Variants in CTNNA3 observed in about 807,000 individuals in gnomAD.
The protein encoded by CTNNA3 is catenin alpha 3.
Under a neutral mutation model 95.7 loss-of-function variants are expected in CTNNA3, and 76 were observed. The ratio of observed to expected loss-of-function variants is 0.79; its 90% CI spans 0.66 to 0.96. The LOEUF is 0.96. Ranked by LOEUF, CTNNA3 falls within the 40% of genes least tolerant of loss-of-function variation. CTNNA3 has a pLI of 0.00. For missense variants in CTNNA3, 1,191 were observed against 1,089.8 expected (o/e 1.09, Z -1.31); for synonymous variants, 431 against 374.4 (o/e 1.15, Z -1.74).
chr10:66,310,289 T>A (rs952984964), intron 12 of CTNNA3, among the ~76,000 whole-genome samples: 2 of 152,180 alleles, frequency 1.3e-5, no homozygotes, highest in Non-Finnish European at 2.9e-5. Flanking sequence ...GATTTTGACA[T>A]AGAGATATTC....
chr10:66,288,717 A>G (rs1239039620), intron 12 of CTNNA3, among the ~76,000 whole-genome samples: 1 of 152,200 alleles, frequency 6.6e-6, no homozygotes, highest in East Asian at 1.9e-4. Context: ...TTTGCAAATC[A>G]ATTATTTGTG....
chr10:67,716,513 T>C (rs1017990422), intron 1 of CTNNA3, among the ~76,000 whole-genome samples: 4 of 152,136 alleles, frequency 2.6e-5, no homozygotes, highest in Admixed American at 6.5e-5. Context: ...GATGTTCCCC[T>C]CCCTGTGTCC....
chr10:67,613,886 G>A (rs1037817673), intron 2 of CTNNA3, among the ~76,000 whole-genome samples: 5 of 152,080 alleles, frequency 3.3e-5, no homozygotes, highest in African/African-American at 7.2e-5. Flanking sequence ...TTTTGTGCCC[G>A]GAGTTGGTTC....
At chr10:67,311,185 T>C (rs1459412395) in intron 5 of CTNNA3, among the ~76,000 whole-genome samples, 1 of 152,148 alleles carries the variant, frequency 6.6e-6, no homozygotes, top group Non-Finnish European at 1.5e-5. Flanking sequence ...GAACCACTTG[T>C]GGCCAAAGTC....
At chr10:66,340,851 T>G (rs565130991) in intron 12 of CTNNA3, among the ~76,000 whole-genome samples, 1 of 151,884 alleles carries the variant, frequency 6.6e-6, no homozygotes, top group Non-Finnish European at 1.5e-5. Context: ...TTATTTTTAT[T>G]TTAGGTATAA....
chr10:67,249,814 C>T lies in CTNNA3; in HGVS notation c.580-29944G>A, dbSNP rs146114028. On this transcript the variant is annotated intron_variant, in intron 5 of 17. Coordinates refer to ENST00000433211, the MANE Select transcript of CTNNA3 (RefSeq NM_013266.4). ...ACACACATACCCACACTCATTCATA[C>T]TGTGACAATTTAGATTCACCAGTTT... Among the ~76,000 whole-genome samples, 3 of 152,286 alleles carry T rather than the reference C, an allele frequency of 2.0e-5. No homozygotes were observed. In the East Asian group the frequency reaches 5.8e-4, roughly 29 times the overall value.
intron 7 of CTNNA3, among the ~76,000 whole-genome samples, chr10:66,846,984 A>C (rs1434201356): frequency 2.6e-5 from 4 of 152,192 alleles, no homozygotes; most frequent in African/African-American, 9.6e-5. Flanking sequence ...AGATTCTTAC[A>C]GCAGCTTTTG....
chr10:67,705,848 G>T (rs569902784), intron 1 of CTNNA3, among the ~76,000 whole-genome samples: 15 of 151,524 alleles, frequency 9.9e-5, no homozygotes, highest in African/African-American at 3.6e-4. Context: ...CTCTCCTAGC[G>T]TAACCGACAT....
chr10:66,360,617 TTC>T (rs1467467356), intron 12 of CTNNA3, among the ~76,000 whole-genome samples: 3 of 23,242 alleles, frequency 1.3e-4, no homozygotes, highest in African/African-American at 3.2e-4. Flanking sequence ...CTTTCTTTCT[TTC>T]TTTCTTTCTT....
chr10:66,732,946 C>T (rs978967728), intron 9 of CTNNA3, among the ~76,000 whole-genome samples: 3 of 152,044 alleles, frequency 2.0e-5, no homozygotes, highest in Non-Finnish European at 4.4e-5. Context: ...CAGGCACCAG[C>T]CACCGCGCCC....
intron 7 of CTNNA3, among the ~76,000 whole-genome samples, chr10:66,976,470 T>C (rs1237702462): frequency 3.3e-5 from 5 of 152,204 alleles, no homozygotes; most frequent in Admixed American, 1.3e-4. Context: ...TCTTTTTCTA[T>C]AGATTACTCC....
intron 7 of CTNNA3, among the ~76,000 whole-genome samples, chr10:66,898,684 C>T (rs1471401998): frequency 6.6e-6 from 1 of 152,170 alleles, no homozygotes; most frequent in Non-Finnish European, 1.5e-5. Flanking sequence ...ACTTACCACA[C>T]ACTAGACACA....
intron 7 of CTNNA3, chr10:66,926,009 T>G (rs1847046702): frequency 2.2e-6 from 1 of 456,660 alleles, no homozygotes; most frequent in African/African-American, 2.0e-5. Flanking sequence ...CAGCTTTACA[T>G]AAGACTGCAT....
chr10:66,223,529 C>G (rs2089084460), intron 13 of CTNNA3, among the ~76,000 whole-genome samples: 1 of 152,126 alleles, frequency 6.6e-6, no homozygotes, highest in Admixed American at 6.6e-5. Context: ...ACAAGATTTA[C>G]CACCAAATGA....
At chr10:66,988,667 G>T (rs1041011627) in intron 7 of CTNNA3, among the ~76,000 whole-genome samples, 4 of 152,076 alleles carry the variant, frequency 2.6e-5, no homozygotes, top group Non-Finnish European at 5.9e-5. Context: ...AACAGTTCAT[G>T]TTTAAAACCT....
At chr10:67,676,180 G>A (rs1210367470) in intron 1 of CTNNA3, among the ~76,000 whole-genome samples, 2 of 152,046 alleles carry the variant, frequency 1.3e-5, no homozygotes, top group African/African-American at 4.8e-5. Context: ...GCAAAGAAGA[G>A]AAAGACCCAG....
At chr10:67,662,572 A>C (rs184240526) in intron 1 of CTNNA3, among the ~76,000 whole-genome samples, 77 of 152,334 alleles carry the variant, frequency 5.1e-4, no homozygotes, top group Middle Eastern at 3.4e-3. Flanking sequence ...CGAATATCAA[A>C]AGCGTTTTGC....
At chr10:67,242,731 G>C (rs1364655630) in intron 5 of CTNNA3, among the ~76,000 whole-genome samples, 4 of 152,130 alleles carry the variant, frequency 2.6e-5, no homozygotes, top group Non-Finnish European at 5.9e-5. Context: ...CATGTCTCCG[G>C]GCCTGATGAG....
intron 9 of CTNNA3, among the ~76,000 whole-genome samples, chr10:66,685,661 C>T (rs71493803): frequency 0.55 from 83,214 of 150,554 alleles, 23,683 homozygotes; most frequent in African/African-American, 0.68. Context: ...CATGAGACAC[C>T]GCACCAGGCC....
Sources: allele counts gnomAD v4.1 joint callset (sites outside exome capture counted in the v4.1 genomes callset), GRCh38; gene constraint gnomAD v4.1.1; transcripts MANE v1.5; gene names NCBI Gene and HGNC (gene_info 2026-07-23, HGNC 2026-07-21).